Variants in MAF observed in about 807,000 individuals in gnomAD.
MAF encodes transcription factor Maf.
Under a neutral mutation model 22.0 loss-of-function variants are expected in MAF, and 10 were observed. The observed-to-expected ratio is 0.45, with a 90% CI of 0.28 to 0.77. The LOEUF is 0.77. Among genes scored for constraint, MAF ranks in the 30% least tolerant of loss-of-function variants. The probability of loss-of-function intolerance (pLI) is 0.12; values close to 1 mark genes in which losing one functional copy is unlikely to be tolerated. For synonymous variants in MAF, 337 were observed against 255.8 expected (o/e 1.32, Z -3.03); for missense variants, 544 against 548.4 (o/e 0.99, Z 0.08).
chr16:79,455,209 C>T, the MAF span, among the ~76,000 whole-genome samples: 2,153 of 152,130 alleles, frequency 0.014, 51 homozygotes, highest in African/African-American at 0.049. Flanking sequence ...CCTAGACTAT[C>T]AGTATCCTCA....
At chr16:79,207,061 C>G in the MAF span, among the ~76,000 whole-genome samples, 3 of 152,142 alleles carry the variant, frequency 2.0e-5, no homozygotes, top group Non-Finnish European at 2.9e-5. Context: ...GTGGTTATAG[C>G]CTCTCCTGGG....
the MAF span, among the ~76,000 whole-genome samples, chr16:79,320,784 G>A: frequency 6.6e-6 from 1 of 152,012 alleles, no homozygotes; most frequent in African/African-American, 2.4e-5. Flanking sequence ...TAAATAATGG[G>A]TGACGTTTAT....
the MAF span, among the ~76,000 whole-genome samples, chr16:79,226,539 A>G: frequency 6.6e-6 from 1 of 152,092 alleles, no homozygotes; most frequent in East Asian, 1.9e-4. Context: ...AAAATTTAAA[A>G]ACAAAATGTT....
the MAF span, among the ~76,000 whole-genome samples, chr16:79,395,713 A>G: frequency 6.6e-6 from 1 of 152,208 alleles, no homozygotes; most frequent in South Asian, 2.1e-4. Context: ...CTCAGCCAAC[A>G]CAACTTGATT....
the MAF span, among the ~76,000 whole-genome samples, chr16:79,225,185 C>A: frequency 1.3e-5 from 2 of 152,122 alleles, no homozygotes; most frequent in Admixed American, 6.6e-5. Context: ...TGGAACAGAA[C>A]AAAGGCCTCA....
chr16:79,209,645 A>C, the MAF span, among the ~76,000 whole-genome samples: 2 of 152,180 alleles, frequency 1.3e-5, no homozygotes, highest in Admixed American at 6.5e-5. Flanking sequence ...AGATATCTGG[A>C]AGTTGATACA....
chr16:79,261,818 C>T, the MAF span, among the ~76,000 whole-genome samples: 11 of 152,190 alleles, frequency 7.2e-5, no homozygotes, highest in African/African-American at 1.4e-4. Flanking sequence ...CATTAATCAC[C>T]TTTGGCCCTG....
At chr16:79,510,482 A>C in the MAF span, among the ~76,000 whole-genome samples, 1 of 152,156 alleles carries the variant, frequency 6.6e-6, no homozygotes, top group Non-Finnish European at 1.5e-5. Flanking sequence ...TCTGGGATGG[A>C]GACACAGTTT....
the MAF span, among the ~76,000 whole-genome samples, chr16:79,537,709 G>C: frequency 1.3e-5 from 2 of 152,302 alleles, no homozygotes; most frequent in African/African-American, 4.8e-5. Flanking sequence ...CCACCACCTT[G>C]AAATGTCAAA....
At chr16:79,322,734 G>A in the MAF span, among the ~76,000 whole-genome samples, 303 of 152,144 alleles carry the variant, frequency 2.0e-3, no homozygotes, top group Middle Eastern at 3.4e-3. Flanking sequence ...CTTGAAGGTC[G>A]TGGCAGGGGG....
the MAF span, among the ~76,000 whole-genome samples, chr16:79,565,748 C>G: frequency 2.6e-5 from 4 of 152,202 alleles, no homozygotes; most frequent in African/African-American, 9.7e-5. Context: ...ATAAATTACC[C>G]AGTCCCAGGT....
the MAF span, among the ~76,000 whole-genome samples, chr16:79,353,833 G>T: frequency 6.6e-6 from 1 of 152,258 alleles, no homozygotes; most frequent in South Asian, 2.1e-4. Context: ...CTTATTTAGT[G>T]TCTTGTGGAT....
chr16:79,402,679 C>A, the MAF span, among the ~76,000 whole-genome samples: 2,571 of 152,332 alleles, frequency 0.017, 70 homozygotes, highest in African/African-American at 0.058. Context: ...GGCCAAAGGG[C>A]CCAACTGCTT....
the MAF span, among the ~76,000 whole-genome samples, chr16:79,309,200 T>C: frequency 2.6e-5 from 4 of 152,084 alleles, no homozygotes; most frequent in East Asian, 3.9e-4. Context: ...GAAGGGGTGA[T>C]GGTGTAATGG....
the MAF span, among the ~76,000 whole-genome samples, chr16:79,474,014 C>G: frequency 1.2e-4 from 18 of 151,498 alleles, no homozygotes; most frequent in African/African-American, 4.4e-4. Context: ...ATTCTTATGT[C>G]TATAAGGAAA....
the MAF span, among the ~76,000 whole-genome samples, chr16:79,504,303 G>A: frequency 6.6e-6 from 1 of 152,126 alleles, no homozygotes; most frequent in African/African-American, 2.4e-5. Flanking sequence ...GCCTCCACCT[G>A]ACACCAACTA....
chr16:79,296,857 G>C, the MAF span, among the ~76,000 whole-genome samples: 2 of 152,192 alleles, frequency 1.3e-5, no homozygotes, highest in African/African-American at 2.4e-5. Context: ...TTTCCCTCGT[G>C]TGTTTTTCTG....
At chr16:79,496,165 T>C in the MAF span, among the ~76,000 whole-genome samples, 5,480 of 152,226 alleles carry the variant, frequency 0.036, 309 homozygotes, top group African/African-American at 0.12. Context: ...GGAGTATTTG[T>C]TATGCAGCAG....
the MAF span, among the ~76,000 whole-genome samples, chr16:79,395,717 C>G: frequency 1.3e-5 from 2 of 152,176 alleles, no homozygotes; most frequent in Non-Finnish European, 2.9e-5. Context: ...GCCAACACAA[C>G]TTGATTTTGG....
Sources: gnomAD v4.1 joint callset for allele counts (sites outside exome capture counted in the v4.1 genomes callset) on GRCh38, gnomAD v4.1.1 for gene constraint, MANE v1.5 for transcripts, NCBI Gene and HGNC (gene_info 2026-07-23, HGNC 2026-07-21) for gene names.